Variants in DDIAS observed in about 807,000 individuals in gnomAD.
The protein encoded by DDIAS is DNA damage-induced apoptosis suppressor protein.
A neutral mutation model predicts 15.7 loss-of-function variants in DDIAS; 14 were observed. The ratio of observed to expected loss-of-function variants is 0.89; its 90% CI spans 0.59 to 1.39. The LOEUF is 1.39. Among genes scored for constraint, DDIAS ranks in the 40% most tolerant of loss-of-function variants. The probability of loss-of-function intolerance (pLI) is 0.00; values close to 1 mark genes in which losing one functional copy is unlikely to be tolerated. For missense variants in DDIAS, 1,035 were observed against 1,130.9 expected, an observed-to-expected ratio of 0.92 and a Z score of 1.22; for synonymous variants, 355 against 395.9, an observed-to-expected ratio of 0.90 and a Z score of 1.23.
chr11:82,904,407 G>A (rs908843414), intron 1 of DDIAS, among the ~76,000 whole-genome samples: 15 of 152,210 alleles, frequency 9.9e-5, no homozygotes, highest in Admixed American at 7.9e-4. Context: ...TGCCTTCTGA[G>A]AACTTGATTA....
At chr11:82,928,648 A>C in intron 3 of DDIAS, 129 bp from the exon 4 acceptor site, 1 of 885,240 alleles carries the variant, frequency 1.1e-6, no homozygotes, top group Non-Finnish European at 1.7e-6. Context: ...AAAGAGTTTA[A>C]GAAGAATTTG....
At chr11:82,927,794 A>AT (rs1860893392) in intron 3 of DDIAS, among the ~76,000 whole-genome samples, 1 of 152,260 alleles carries the variant, frequency 6.6e-6, no homozygotes, top group African/African-American at 2.4e-5. Flanking sequence ...TGATATAATT[A>AT]TGAGGGAGAA....
intron 3 of DDIAS, among the ~76,000 whole-genome samples, chr11:82,923,753 A>G (rs1860803740): frequency 6.6e-6 from 1 of 152,192 alleles, no homozygotes; most frequent in Non-Finnish European, 1.5e-5. Context: ...TAGTGTTCCA[A>G]GTTAAATTTC....
intron 3 of DDIAS, among the ~76,000 whole-genome samples, chr11:82,922,415 T>G (rs974164606): frequency 6.6e-6 from 1 of 152,200 alleles, no homozygotes; most frequent in Non-Finnish European, 1.5e-5. Context: ...TTTCTTATTC[T>G]TTTTTCTTTG....
intron 3 of DDIAS, chr11:82,922,481 C>A (rs993084652): frequency 6.6e-6 from 1 of 151,930 alleles, no homozygotes; most frequent in Non-Finnish European, 1.5e-5. Flanking sequence ...GAATTTCTTT[C>A]TTCTATTTGT....
At chr11:82,907,550 A>G (rs1236309519) in intron 1 of DDIAS, among the ~76,000 whole-genome samples, 1 of 152,156 alleles carries the variant, frequency 6.6e-6, no homozygotes, top group Non-Finnish European at 1.5e-5. Flanking sequence ...CATTCATGCA[A>G]TAAATTTTGT....
At position 82,916,076 on chromosome 11, in the gene DDIAS, G is replaced by C. The variant is rs576397465; in HGVS notation, c.113+1225G>C. Among the ~76,000 whole-genome samples the C allele has an allele frequency of 5.3e-5, 8 of 152,256 alleles. No individual in the cohort carries two copies. In the South Asian group the frequency reaches 1.7e-3, roughly 32 times the overall value. ...ACTTACTGTAATGGAACAATTTCAA[G>C]CTTCAGAGAACACAACAGAGTTTCA... On this transcript the variant is annotated intron_variant, in intron 3 of 5. Transcript: ENST00000533655.
Position 82,934,130 on chromosome 11 carries a change from A to G in DDIAS, c.2792A>G (p.Lys931Arg), listed in dbSNP as rs753952402. 17 of 1,609,032 alleles carry G rather than the reference A, an allele frequency of 1.1e-5. No individual in the cohort carries two copies. In the Admixed American group the frequency reaches 1.9e-4, roughly 18 times the overall value. The change falls in exon 6 of 6, where the codon AAA becomes AGA. Residue 931 changes from lysine to arginine, a missense_variant. Coordinates refer to ENST00000533655, the MANE Select transcript of DDIAS (RefSeq NM_145018.4). ...AATATGCTTGCAGCAGTTGTTACGA[A>G]AAAGAAAACTCATAAATATAACTGT... is the stretch of plus-strand genomic sequence containing the variant. ...LKNMLAAVVT[K>R]KKTHKYNCKS...
chr11:82,920,851 G>A (rs1407706916), intron 3 of DDIAS, among the ~76,000 whole-genome samples: 1 of 152,118 alleles, frequency 6.6e-6, no homozygotes, highest in Admixed American at 6.5e-5. Flanking sequence ...TGTAATCTGC[G>A]GTTGTTGGAT....
Position 82,914,863 on chromosome 11 carries a change from G to C in DDIAS, c.113+12G>C. 6.6e-7 allele frequency: 1 copy of C among 1,506,354 alleles called. No homozygotes were observed. Among genetic ancestry groups the C allele is most frequent in the South Asian group, 1.1e-5 (1 of 87,112 alleles). The allele number at this position is 1,506,354 out of a possible 1,614,324, so 93.3% of individuals were successfully genotyped here. A position where few individuals can be genotyped will look rare whatever the true frequency, so the allele number is the denominator to read the frequency against. On this transcript the variant is annotated intron_variant, in intron 3 of 5. Transcript: ENST00000533655. ...CTGGTCTCCAAAAGGTAAAAGTAAA[G>C]TCTGTAAGTGTGAGAGAGGAAATAC...
intron 1 of DDIAS, among the ~76,000 whole-genome samples, chr11:82,906,753 A>G (rs1860440356): frequency 6.6e-6 from 1 of 152,198 alleles, no homozygotes; most frequent in Admixed American, 6.5e-5. Context: ...GATGTAAGTA[A>G]TGATTAAAAT....
At chr11:82,929,227 T>G (rs1744708958) in intron 4 of DDIAS, among the ~76,000 whole-genome samples, 1 of 152,208 alleles carries the variant, frequency 6.6e-6, no homozygotes, top group African/African-American at 2.4e-5. Flanking sequence ...TCATTTCAAA[T>G]TGAAGAATTA....
rs562911299 is a variant in DDIAS at position 82,930,864 on chromosome 11, A to G, written c.393+590A>G. Reference sequence around the variant, plus strand: ...ACTGGAATCAGGGTTTTAAAAGAGGACTCCACAACAGAAGAGTGAGAAAAA... The same window carrying G: ...ACTGGAATCAGGGTTTTAAAAGAGGGCTCCACAACAGAAGAGTGAGAAAAA... On this transcript the variant is annotated intron_variant, in intron 5 of 5. Transcript: ENST00000533655. Among the ~76,000 whole-genome samples, 4 of 152,218 alleles carry G rather than the reference A, an allele frequency of 2.6e-5. No individual in the cohort carries two copies. In the South Asian group the frequency reaches 8.3e-4, roughly 32 times the overall value.
At chr11:82,929,622 T>G (rs1286305718) in intron 4 of DDIAS, among the ~76,000 whole-genome samples, 1 of 148,840 alleles carries the variant, frequency 6.7e-6, no homozygotes, top group Admixed American at 6.8e-5. Flanking sequence ...GAGAATGGCA[T>G]GAACCCAGGA....
At chr11:82,930,378 C>T (rs1860957496) in intron 5 of DDIAS, 104 bp downstream of exon 5, 1 of 802,074 alleles carries the variant, frequency 1.2e-6, no homozygotes, top group South Asian at 1.6e-5. Context: ...CATGTGAAGG[C>T]CTGTAGAAAC....
chr11:82,917,733 T>C (rs1860659906), intron 3 of DDIAS, among the ~76,000 whole-genome samples: 1 of 152,228 alleles, frequency 6.6e-6, no homozygotes, highest in Non-Finnish European at 1.5e-5. Context: ...CTGTTTTCCA[T>C]AGTGGCTGTA....
intron 2 of DDIAS, chr11:82,914,269 GTT>G (rs60836143): frequency 0.47 from 96,379 of 206,150 alleles, 23,049 homozygotes; most frequent in Admixed American, 0.53. Context: ...ATGAAACAAA[GTT>G]TGTGTTAAGT....
chr11:82,906,193 A>T (rs1860427191), intron 1 of DDIAS, among the ~76,000 whole-genome samples: 1 of 152,186 alleles, frequency 6.6e-6, no homozygotes, highest in Non-Finnish European at 1.5e-5. Flanking sequence ...TAACTGTCTG[A>T]AACGATCTTA....
intron 3 of DDIAS, 134 bp from the exon 4 acceptor site, chr11:82,928,643 G>A: frequency 5.8e-6 from 5 of 860,308 alleles, no homozygotes; most frequent in South Asian, 1.8e-5. Flanking sequence ...ATCTGAAAGA[G>A]TTTAAGAAGA....
Sources: gnomAD v4.1 joint callset for allele counts (sites outside exome capture counted in the v4.1 genomes callset) on GRCh38, gnomAD v4.1.1 for gene constraint, MANE v1.5 for transcripts, NCBI Gene and HGNC (gene_info 2026-07-23, HGNC 2026-07-21) for gene names.